The following SLC17A8 variants were observed in gnomAD, a reference collection of about 807,000 sequenced individuals.
SLC17A8 encodes vesicular glutamate transporter 3.
In SLC17A8, 31 loss-of-function variants were observed where a neutral mutation model predicts 58.0. That is an observed-to-expected ratio of 0.53 (90% CI 0.40 to 0.72). SLC17A8 has a LOEUF of 0.72. Ranked by LOEUF, SLC17A8 falls within the 30% of genes least tolerant of loss-of-function variation. The pLI is 0.00. For missense variants in SLC17A8, 655 were observed against 727.8 expected (o/e 0.90, Z 1.15); for synonymous variants, 228 against 249.0 (o/e 0.92, Z 0.79).
intron 5 of SLC17A8, among the ~76,000 whole-genome samples, chr12:100,400,998 CT>C (rs4015907): frequency 4.4e-3 from 492 of 113,078 alleles, no homozygotes; most frequent in South Asian, 0.017. Context: ...CACCCCTCAC[CT>C]TTTTTTTTTT....
At chr12:100,410,586 A>T (rs1156648556) in intron 9 of SLC17A8, 1 of 151,838 alleles carries the variant, frequency 6.6e-6, no homozygotes, top group Non-Finnish European at 1.5e-5. Context: ...TGCACCCGGG[A>T]GGCAGAGGTT....
At chr12:100,385,233 A>ATTTTTTT (rs397850732) in intron 2 of SLC17A8, among the ~76,000 whole-genome samples, 1 of 106,696 alleles carries the variant, frequency 9.4e-6, no homozygotes, top group Non-Finnish European at 1.8e-5. Context: ...TGTCTTAAAC[A>ATTTTTTT]TTTTTTTTTT....
chr12:100,389,224 ATAG>A (rs1371152608), intron 2 of SLC17A8, among the ~76,000 whole-genome samples: 1 of 152,212 alleles, frequency 6.6e-6, no homozygotes, highest in Non-Finnish European at 1.5e-5. Flanking sequence ...TGCCATCAGC[ATAG>A]TATCAGTAAT....
At chr12:100,390,723 G>T (rs1048558054) in intron 2 of SLC17A8, among the ~76,000 whole-genome samples, 1 of 151,660 alleles carries the variant, frequency 6.6e-6, no homozygotes, top group African/African-American at 2.4e-5. Context: ...GCTCACTGCA[G>T]CCTTGACCTC....
rs1457548939 is a variant in SLC17A8 at position 100,404,083 on chromosome 12, G to T, written c.1099G>T (p.Val367Leu). Residue 367 changes from valine to leucine, a missense_variant, in exon 9 of 12, where the codon GTA (valine) becomes TTA (leucine). Coordinates refer to ENST00000323346, the MANE Select transcript of SLC17A8 (RefSeq NM_139319.3). The stretch of plus-strand genomic sequence containing the variant: ...CCCACACATGGTTATGACAATCGTT[G>T]TACCTATTGGAGGACAATTGGCTGA... ...AVPHMVMTIV[V>L]PIGGQLADYL... 6.2e-7 allele frequency: 1 copy of T among 1,614,122 alleles called. No homozygotes were observed. Among genetic ancestry groups the T allele is most frequent in the Non-Finnish European group, 8.5e-7 (1 of 1,180,026 alleles).
chr12:100,358,197 T>C (rs912645329), intron 1 of SLC17A8, among the ~76,000 whole-genome samples: 4 of 152,240 alleles, frequency 2.6e-5, no homozygotes, highest in Non-Finnish European at 5.9e-5. Flanking sequence ...TTTATAGACA[T>C]AGTAAATGCC....
intron 5 of SLC17A8, among the ~76,000 whole-genome samples, chr12:100,398,543 TG>T (rs1952768416): frequency 6.6e-6 from 1 of 152,232 alleles, no homozygotes; most frequent in African/African-American, 2.4e-5. Context: ...GAAAGTTACC[TG>T]ATCAAGGACA....
In SLC17A8 at chr12:100,357,442, G is replaced by A. The variant is rs1273213877; in HGVS notation, c.51G>A (p.Gly17=). Residue 17 remains glycine, a synonymous_variant, in exon 1 of 12, where the codon GGG becomes GGA. Transcript: ENST00000323346. ...TCAAAGAAAAAATTCTGAAACCTGG[G>A]AAGGAAGGAGTGAAGAACGCCGTGG... ...DTFKEKILKP[G]KEGVKNAVGD... is the part of the protein sequence containing the mutation. 6.2e-7 allele frequency: 1 copy of A among 1,614,000 alleles called. No homozygotes were observed. The highest frequency in any genetic ancestry group is 8.5e-7 in the Non-Finnish European group (1 of 1,179,826).
At chr12:100,388,120 C>A in intron 2 of SLC17A8, among the ~76,000 whole-genome samples, 1 of 152,170 alleles carries the variant, frequency 6.6e-6, no homozygotes, top group African/African-American at 2.4e-5. Context: ...CTTGTACTTG[C>A]TGTTTCTCTG....
At chr12:100,417,754 C>T (rs559248780) in intron 10 of SLC17A8, among the ~76,000 whole-genome samples, 178 of 152,178 alleles carry the variant, frequency 1.2e-3, no homozygotes, top group African/African-American at 4.1e-3. Flanking sequence ...TGCCAAACAC[C>T]GTATTTTGGA....
At chr12:100,366,866 G>A (rs1952523956) in intron 1 of SLC17A8, among the ~76,000 whole-genome samples, 1 of 152,170 alleles carries the variant, frequency 6.6e-6, no homozygotes. Flanking sequence ...AGATTCCTAT[G>A]GGCTGATTCC....
At chr12:100,359,654 C>T (rs913474155) in intron 1 of SLC17A8, among the ~76,000 whole-genome samples, 3 of 152,124 alleles carry the variant, frequency 2.0e-5, no homozygotes, top group African/African-American at 4.8e-5. Flanking sequence ...GCAGAAGAAA[C>T]GAAAACAGAC....
intron 8 of SLC17A8, 138 bp from the exon 9 acceptor site, chr12:100,403,900 C>A: frequency 1.1e-6 from 1 of 913,090 alleles, no homozygotes; most frequent in Non-Finnish European, 1.8e-6. Flanking sequence ...TTCAGGCCTA[C>A]CCAGCTCCCA....
chr12:100,365,437 T>C (rs1011714076), intron 1 of SLC17A8, among the ~76,000 whole-genome samples: 1 of 152,132 alleles, frequency 6.6e-6, no homozygotes, highest in African/African-American at 2.4e-5. Flanking sequence ...AGTGGCAAGA[T>C]CACCCTTATT....
At chr12:100,407,076 C>T (rs370755065) in intron 9 of SLC17A8, among the ~76,000 whole-genome samples, 13 of 152,180 alleles carry the variant, frequency 8.5e-5, no homozygotes, top group African/African-American at 2.4e-4. Flanking sequence ...AATGATACAA[C>T]GTATGAATGC....
At chr12:100,378,482 A>G (rs756175813) in intron 1 of SLC17A8, among the ~76,000 whole-genome samples, 2 of 152,198 alleles carry the variant, frequency 1.3e-5, no homozygotes, top group Non-Finnish European at 2.9e-5. Flanking sequence ...TTTCTTAAAA[A>G]AAGGAAAATG....
chr12:100,413,540 A>G (rs12829273), intron 10 of SLC17A8, among the ~76,000 whole-genome samples: 59,120 of 151,950 alleles, frequency 0.39, 12,492 homozygotes, highest in Non-Finnish European at 0.47. Flanking sequence ...TGCTATTACG[A>G]TCCCCATTTT....
chr12:100,419,011 A>AT (rs1295838691), intron 11 of SLC17A8, among the ~76,000 whole-genome samples: 2 of 152,176 alleles, frequency 1.3e-5, no homozygotes, highest in Non-Finnish European at 2.9e-5. Flanking sequence ...AATTCCCATT[A>AT]TTTTTTGACA....
chr12:100,377,713 C>T (rs7969499), intron 1 of SLC17A8, among the ~76,000 whole-genome samples: 84,964 of 150,928 alleles, frequency 0.56, 24,830 homozygotes, highest in East Asian at 0.99. Context: ...CTCAGTCTCC[C>T]GAGTAGCTGG....
Sources: allele counts gnomAD v4.1 joint callset (sites outside exome capture counted in the v4.1 genomes callset), GRCh38; gene constraint gnomAD v4.1.1; transcripts MANE v1.5; gene names NCBI Gene and HGNC (gene_info 2026-07-23, HGNC 2026-07-21).